TGFA: variants seen among roughly 807,000 people sequenced by gnomAD.
TGFA encodes the protein transforming growth factor alpha.
Under a neutral mutation model 21.7 loss-of-function variants are expected in TGFA, and 12 were observed. The observed-to-expected ratio is 0.55, with a 90% CI of 0.35 to 0.90. The LOEUF (loss-of-function observed/expected upper bound fraction) is 0.90. Among genes scored for constraint, TGFA ranks in the 40% least tolerant of loss-of-function variants. The pLI, the probability that TGFA is intolerant of heterozygous loss-of-function variation, is 0.01. For synonymous variants in TGFA, 79 were observed against 88.1 expected (o/e 0.90, Z 0.58); for missense variants, 178 against 210.8 (o/e 0.84, Z 0.96).
chr2:70,551,624 AC>A (rs2103963463), intron 1 of TGFA, among the ~76,000 whole-genome samples: 1 of 152,302 alleles, frequency 6.6e-6, no homozygotes, highest in African/African-American at 2.4e-5. Context: ...GTTCTAGTAA[AC>A]GCACAGAACT....
chr2:70,528,544 G>T (rs1232357755), intron 1 of TGFA, among the ~76,000 whole-genome samples: 6 of 152,130 alleles, frequency 3.9e-5, no homozygotes, highest in African/African-American at 1.2e-4. Flanking sequence ...TTCCAGAGAA[G>T]TCATCTAGTA....
chr2:70,499,865 T>C (rs1340397445), intron 2 of TGFA, among the ~76,000 whole-genome samples: 1 of 152,102 alleles, frequency 6.6e-6, no homozygotes, highest in Non-Finnish European at 1.5e-5. Context: ...AGGATGTGAG[T>C]GAAAACAAAT....
At chr2:70,471,854 T>A (rs1315545390) in intron 2 of TGFA, among the ~76,000 whole-genome samples, 1 of 152,074 alleles carries the variant, frequency 6.6e-6, no homozygotes, top group Non-Finnish European at 1.5e-5. Flanking sequence ...TAGAGTACCA[T>A]CTCCTCCTTG....
At chr2:70,538,520 A>G (rs1329357773) in intron 1 of TGFA, among the ~76,000 whole-genome samples, 1 of 152,236 alleles carries the variant, frequency 6.6e-6, no homozygotes, top group Non-Finnish European at 1.5e-5. Context: ...GTTTGGAAGA[A>G]GTTGATTCCA....
chr2:70,459,057 C>T (rs1273573709), intron 3 of TGFA, among the ~76,000 whole-genome samples: 3 of 152,304 alleles, frequency 2.0e-5, no homozygotes, highest in African/African-American at 7.2e-5. Flanking sequence ...TGAGGATTTG[C>T]AGAGTCTTTT....
At chr2:70,492,850 C>T (rs529094424) in intron 2 of TGFA, among the ~76,000 whole-genome samples, 1 of 152,000 alleles carries the variant, frequency 6.6e-6, no homozygotes, top group Non-Finnish European at 1.5e-5. Flanking sequence ...AACAAAGGTG[C>T]CTTTCATGTT....
At position 70,448,032 on chromosome 2, in the gene TGFA, G is replaced by C. The variant is rs782627408; in HGVS notation, c.*2827C>G. The C allele has an allele frequency of 1.3e-5, 2 of 152,242 alleles. No individual in the cohort carries two copies. Among genetic ancestry groups the C allele is most frequent in the Non-Finnish European group, 2.9e-5 (2 of 68,058 alleles). The allele number at this position is 152,242 out of a possible 1,614,324, so 9.4% of individuals were successfully genotyped here. On this transcript the variant is annotated 3_prime_UTR_variant, in exon 6 of 6. Coordinates refer to ENST00000295400, the MANE Select transcript of TGFA (RefSeq NM_003236.4). Reference sequence around the variant, plus strand: ...ACAAATTCTCCTCCCTTACCAGTGTGGGTGGGTGAGTGGCAATCCCATCTT... The same window carrying C: ...ACAAATTCTCCTCCCTTACCAGTGTCGGTGGGTGAGTGGCAATCCCATCTT...
At chr2:70,524,132 A>G (rs1406655965) in intron 1 of TGFA, among the ~76,000 whole-genome samples, 1 of 152,046 alleles carries the variant, frequency 6.6e-6, no homozygotes, top group African/African-American at 2.4e-5. Context: ...CATGTTACCC[A>G]CTTCAAAGCC....
chr2:70,485,688 A>G (rs1221411116), intron 2 of TGFA, among the ~76,000 whole-genome samples: 1 of 152,154 alleles, frequency 6.6e-6, no homozygotes, highest in East Asian at 1.9e-4. Context: ...CAGCTTAGGG[A>G]CATACTGATC....
rs1477077307 is a variant in TGFA at position 70,520,187 on chromosome 2, C to CT, written c.41-5276dup. On this transcript the variant is annotated intron_variant, in intron 1 of 5. Transcript: ENST00000295400. The stretch of plus-strand genomic sequence containing the variant: ...TGATGAGGAGGTGGTCATGACCCTC[C>CT]TCCCTTTGGAAATCACTAAGGGAAC... Among the ~76,000 whole-genome samples, 2 of 152,210 alleles carry CT rather than the reference C, an allele frequency of 1.3e-5. 1 individual carries two copies. Among genetic ancestry groups the CT allele is most frequent in the Non-Finnish European group, 2.9e-5 (2 of 68,028 alleles).
intron 5 of TGFA, among the ~76,000 whole-genome samples, chr2:70,452,190 G>A (rs181018809): frequency 1.3e-5 from 2 of 152,238 alleles, no homozygotes; most frequent in African/African-American, 2.4e-5. Context: ...GGGTGGATTC[G>A]CTTTAATGAC....
intron 2 of TGFA, among the ~76,000 whole-genome samples, chr2:70,487,979 A>G (rs918344886): frequency 2.0e-5 from 3 of 152,048 alleles, no homozygotes; most frequent in Admixed American, 6.5e-5. Context: ...AATGCTAGAT[A>G]TTTTTCATTT....
chr2:70,497,021 G>A (rs1243647269), intron 2 of TGFA, among the ~76,000 whole-genome samples: 3 of 152,234 alleles, frequency 2.0e-5, no homozygotes, highest in African/African-American at 7.2e-5. Flanking sequence ...GAATGAGTCA[G>A]CCACTGGAAA....
intron 1 of TGFA, among the ~76,000 whole-genome samples, chr2:70,547,037 T>C (rs1673326362): frequency 6.6e-6 from 1 of 152,214 alleles, no homozygotes; most frequent in African/African-American, 2.4e-5. Flanking sequence ...CATTTCAACA[T>C]GTATTTATGT....
In TGFA at chr2:70,450,850, C is replaced by A; in HGVS notation, c.*9G>T. ...CAGTCCACCTGGCCAAACTCCTCCTCTGGGCTCTTCAGACCACTGGCAGGA... is the reference window on the plus strand; with the variant it reads ...CAGTCCACCTGGCCAAACTCCTCCTATGGGCTCTTCAGACCACTGGCAGGA... On this transcript the variant is annotated 3_prime_UTR_variant, in exon 6 of 6. Coordinates refer to ENST00000295400, the MANE Select transcript of TGFA (RefSeq NM_003236.4). The A allele has an allele frequency of 6.2e-7, 1 of 1,609,826 alleles. No homozygotes were observed. Among genetic ancestry groups the A allele is most frequent in the Non-Finnish European group, 8.5e-7 (1 of 1,177,936 alleles).
At chr2:70,516,743 T>G (rs1173412229) in intron 1 of TGFA, among the ~76,000 whole-genome samples, 2 of 152,224 alleles carry the variant, frequency 1.3e-5, no homozygotes, top group African/African-American at 4.8e-5. Flanking sequence ...AGTCATGTTC[T>G]GACTTCGCTG....
chr2:70,541,139 G>GATA (rs561892196), intron 1 of TGFA, among the ~76,000 whole-genome samples: 184 of 152,272 alleles, frequency 1.2e-3, no homozygotes, highest in African/African-American at 4.3e-3. Flanking sequence ...TTAAAATGCT[G>GATA]ATAATAACTC....
At chr2:70,520,128 T>A (rs1044589278) in intron 1 of TGFA, among the ~76,000 whole-genome samples, 7 of 152,168 alleles carry the variant, frequency 4.6e-5, no homozygotes, top group Admixed American at 2.6e-4. Flanking sequence ...TTCATGTTGG[T>A]CCTGTTTCAT....
intron 1 of TGFA, among the ~76,000 whole-genome samples, chr2:70,530,558 A>G (rs1166885249): frequency 6.6e-6 from 1 of 152,374 alleles, no homozygotes; most frequent in East Asian, 1.9e-4. Flanking sequence ...GTTGGGCCAC[A>G]TTCAAAGCCC....
Sources: allele counts gnomAD v4.1 joint callset (sites outside exome capture counted in the v4.1 genomes callset), GRCh38; gene constraint gnomAD v4.1.1; transcripts MANE v1.5; gene names NCBI Gene and HGNC (gene_info 2026-07-23, HGNC 2026-07-21).